The following TEAD4 variants were observed in gnomAD, a reference collection of about 807,000 sequenced individuals.
The protein encoded by TEAD4 is transcriptional enhancer factor TEF-3.
TEAD4 carries 36 observed loss-of-function variants against 52.4 expected under a neutral mutation model. That is an observed-to-expected ratio of 0.69 (90% CI 0.53 to 0.91). TEAD4 has a LOEUF of 0.91. TEAD4 is among the 40% of genes least tolerant of loss of function. TEAD4 has a pLI of 0.00. For synonymous variants in TEAD4, 220 were observed against 231.0 expected (o/e 0.95, Z 0.43); for missense variants, 508 against 583.9 (o/e 0.87, Z 1.34).
intron 3 of TEAD4, among the ~76,000 whole-genome samples, chr12:3,005,240 A>G (rs2098254899): frequency 6.6e-6 from 1 of 152,204 alleles, no homozygotes; most frequent in African/African-American, 2.4e-5. Context: ...GATGTTGGTC[A>G]AAGAATATAG....
intron 3 of TEAD4, among the ~76,000 whole-genome samples, chr12:3,007,818 A>G (rs1199640628): frequency 6.6e-6 from 1 of 152,258 alleles, no homozygotes; most frequent in East Asian, 1.9e-4. Context: ...GCTCATGTAC[A>G]GAAAAGTTCA....
At chr12:2,966,899 G>A (rs1196324060) in intron 2 of TEAD4, among the ~76,000 whole-genome samples, 1 of 152,086 alleles carries the variant, frequency 6.6e-6, no homozygotes, top group Non-Finnish European at 1.5e-5. Flanking sequence ...TAGAAATGTG[G>A]TTTCACCATG....
At chr12:3,019,203 G>T in intron 8 of TEAD4, 33 bp downstream of exon 8, 1 of 1,611,510 alleles carries the variant, frequency 6.2e-7, no homozygotes, top group African/African-American at 1.3e-5. Context: ...CCTTTCTATC[G>T]CAGCCATGTG....
intron 2 of TEAD4, among the ~76,000 whole-genome samples, chr12:2,976,726 AGGCTGAGAGCTGAGGAGATGGGATGCT>A (rs1299350433): frequency 9.5e-6 from 1 of 105,818 alleles, no homozygotes; most frequent in African/African-American, 6.2e-5. Context: ...TGCTGGGTCC[AGGCTGAGAGCTGAGGAGATGGGATGCT>A]GGGTCCAGGC....
At chr12:3,004,783 A>G (rs896105597) in intron 3 of TEAD4, among the ~76,000 whole-genome samples, 3 of 152,246 alleles carry the variant, frequency 2.0e-5, no homozygotes, top group Non-Finnish European at 2.9e-5. Context: ...GTGACAGGCC[A>G]CGGCAGCTCC....
intron 2 of TEAD4, among the ~76,000 whole-genome samples, chr12:2,990,353 C>T (rs1015021368): frequency 6.7e-6 from 1 of 149,622 alleles, no homozygotes; most frequent in East Asian, 2.0e-4. Context: ...GGTTACTAAG[C>T]GATATAAAAT....
At chr12:3,022,225 G>A (rs141540653) in intron 10 of TEAD4, among the ~76,000 whole-genome samples, 2 of 152,194 alleles carry the variant, frequency 1.3e-5, no homozygotes, top group Admixed American at 6.5e-5. Flanking sequence ...TGGCCTAGTC[G>A]AACGAGGCCT....
intron 9 of TEAD4, among the ~76,000 whole-genome samples, 184 bp downstream of exon 9, chr12:3,020,957 T>TCCCTCCTC (rs1276553813): frequency 6.6e-6 from 1 of 151,858 alleles, no homozygotes; most frequent in East Asian, 1.9e-4. Flanking sequence ...CTTCCCTCTT[T>TCCCTCCTC]CCCTCCTCCC....
Position 2,994,354 on chromosome 12 carries a change from G to A in TEAD4, c.-29-384G>A, listed in dbSNP as rs753779783. On this transcript the variant is annotated intron_variant, in intron 2 of 12. Transcript: ENST00000359864. This position sits in a 1 kb window ranked among gnomAD's most constrained non-coding sequence, Gnocchi z 4.7. ...GCCTCCCAGAGTGCTGGGATTACAG[G>A]CGTGAGCCACAGCGCCCGGCCTGTA... Among the ~76,000 whole-genome samples the A allele has an allele frequency of 1.3e-5, 2 of 152,220 alleles. No homozygotes were observed. The highest frequency in any genetic ancestry group is 1.3e-4 in the Admixed American group (2 of 15,286).
At chr12:2,967,050 T>C (rs2098221022) in intron 2 of TEAD4, among the ~76,000 whole-genome samples, 1 of 152,170 alleles carries the variant, frequency 6.6e-6, no homozygotes, top group South Asian at 2.1e-4. Context: ...AAACATTGGC[T>C]GATAGAACCA....
chr12:2,997,814 G>GT (rs1491561085), intron 3 of TEAD4, among the ~76,000 whole-genome samples: 6 of 147,256 alleles, frequency 4.1e-5, no homozygotes, highest in East Asian at 3.9e-4. Context: ...TCGGGGGGGG[G>GT]GTGTGTGTGT....
intron 10 of TEAD4, among the ~76,000 whole-genome samples, chr12:3,030,620 G>A (rs2098274898): frequency 6.6e-6 from 1 of 152,168 alleles, no homozygotes. Flanking sequence ...TCTTTGTGGT[G>A]CTGCATATTG....
At chr12:3,035,222 C>G (rs1438208109) in intron 10 of TEAD4, among the ~76,000 whole-genome samples, 2 of 152,122 alleles carry the variant, frequency 1.3e-5, no homozygotes, top group East Asian at 3.8e-4. Context: ...GAGTTGATTT[C>G]AAAGAATCAG....
At chr12:2,987,917 T>C (rs955313464) in intron 2 of TEAD4, among the ~76,000 whole-genome samples, 5 of 149,802 alleles carry the variant, frequency 3.3e-5, no homozygotes, top group Admixed American at 2.7e-4. Context: ...ATATAAAAAT[T>C]AGCCAGGCGT....
chr12:2,967,178 A>G (rs2153952404), intron 2 of TEAD4, among the ~76,000 whole-genome samples: 1 of 150,756 alleles, frequency 6.6e-6, no homozygotes, highest in East Asian at 2.0e-4. Context: ...GAAAATAAAG[A>G]AAGGCATAAA....
intron 3 of TEAD4, among the ~76,000 whole-genome samples, chr12:3,007,486 G>A (rs950397037): frequency 6.6e-6 from 1 of 152,220 alleles, no homozygotes; most frequent in Non-Finnish European, 1.5e-5. Flanking sequence ...GCCCACTGCA[G>A]GGAGGAGGTG....
chr12:2,963,776 C>G (rs899691228), intron 2 of TEAD4, among the ~76,000 whole-genome samples: 70 of 152,332 alleles, frequency 4.6e-4, no homozygotes, highest in African/African-American at 1.5e-3. Context: ...ACTCAGGTCT[C>G]CAAGATCTAT....
chr12:3,031,406 C>T lies in TEAD4; in HGVS notation c.898-6562C>T, dbSNP rs757169969. The stretch of plus-strand genomic sequence containing the variant: ...CACTCATGGGAACACTGCCTTGGAG[C>T]GGGAGGTGGCATGTCCGGGACCCTC... On this transcript the variant is annotated intron_variant, in intron 10 of 12. Transcript: ENST00000359864. Among the ~76,000 whole-genome samples the T allele has an allele frequency of 2.0e-4, 30 of 152,208 alleles. 1 individual carries two copies. The highest frequency in any genetic ancestry group is 4.0e-4 in the Non-Finnish European group (27 of 68,040).
At chr12:3,009,426 G>A (rs924359442) in intron 3 of TEAD4, among the ~76,000 whole-genome samples, 29 of 152,048 alleles carry the variant, frequency 1.9e-4, no homozygotes, top group African/African-American at 6.3e-4. Context: ...GCGAGACTTC[G>A]TCTAAAAAAA....
Sources: gnomAD v4.1 joint callset for allele counts (sites outside exome capture counted in the v4.1 genomes callset) on GRCh38, gnomAD v4.1.1 for gene constraint, Gnocchi (gnomAD v3.1) non-coding constraint, MANE v1.5 for transcripts, NCBI Gene and HGNC (gene_info 2026-07-23, HGNC 2026-07-21) for gene names.